Variants in LRRC4C observed in about 807,000 individuals in gnomAD.
The protein encoded by LRRC4C is leucine rich repeat containing 4C.
Under a neutral mutation model 33.6 loss-of-function variants are expected in LRRC4C, and 5 were observed. The ratio of observed to expected loss-of-function variants is 0.15; its 90% CI spans 0.08 to 0.31. The LOEUF (loss-of-function observed/expected upper bound fraction) is 0.31, where lower values mean the gene tolerates loss of function less well. Among genes scored for constraint, LRRC4C ranks in the 10% least tolerant of loss-of-function variants. The pLI, the probability that LRRC4C is intolerant of heterozygous loss-of-function variation, is 1.00. For missense variants in LRRC4C, 560 were observed against 796.7 expected, an observed-to-expected ratio of 0.70 and a Z score of 3.58; for synonymous variants, 329 against 302.0, an observed-to-expected ratio of 1.09 and a Z score of -0.93.
chr11:41,021,837 T>G (rs1856005473), intron 1 of LRRC4C, among the ~76,000 whole-genome samples: 1 of 152,038 alleles, frequency 6.6e-6, no homozygotes, highest in African/African-American at 2.4e-5. Flanking sequence ...CATATCGTCA[T>G]TATGTAGTAA....
At chr11:41,432,367 A>C (rs553489923) in intron 1 of LRRC4C, among the ~76,000 whole-genome samples, 29 of 152,298 alleles carry the variant, frequency 1.9e-4, no homozygotes, top group Non-Finnish European at 2.4e-4. Flanking sequence ...CTTGAGTGTG[A>C]AGCAGTTAGT....
At chr11:40,260,286 C>T (rs200281184) in intron 4 of LRRC4C, among the ~76,000 whole-genome samples, 1 of 139,206 alleles carries the variant, frequency 7.2e-6, no homozygotes, top group East Asian at 2.1e-4. Context: ...TCATCATTCT[C>T]AGTAAATTAT....
intron 1 of LRRC4C, among the ~76,000 whole-genome samples, chr11:41,213,975 C>T (rs2136331514): frequency 6.6e-6 from 1 of 152,268 alleles, no homozygotes; most frequent in South Asian, 2.1e-4. Flanking sequence ...ATTATAATAT[C>T]CTTTAAAGTA....
Position 41,450,516 on chromosome 11 carries a change from G to A in LRRC4C, c.-496+8915C>T, listed in dbSNP as rs534504347. On this transcript the variant is annotated intron_variant, in intron 1 of 6. Transcript: ENST00000528697. ...AGGCACCAGGGCTTTGTAGACAGAC[G>A]CAACTAGGCAGACATTCAGGTAGAC... Among the ~76,000 whole-genome samples the A allele has an allele frequency of 5.9e-5, 9 of 152,262 alleles. No individual in the cohort carries two copies. The East Asian group carries it at 1.4e-3, about 23-fold the overall frequency.
At chr11:40,960,288 T>C (rs1280175269) in intron 1 of LRRC4C, among the ~76,000 whole-genome samples, 1 of 151,838 alleles carries the variant, frequency 6.6e-6, no homozygotes, top group Non-Finnish European at 1.5e-5. Context: ...GGATTTTTGA[T>C]ACATCACCAA....
chr11:40,558,785 A>G (rs1957429072), intron 3 of LRRC4C, among the ~76,000 whole-genome samples: 1 of 152,136 alleles, frequency 6.6e-6, no homozygotes, highest in South Asian at 2.1e-4. Context: ...GGTTTGTTAT[A>G]CAGATTATTT....
intron 2 of LRRC4C, among the ~76,000 whole-genome samples, chr11:40,697,413 C>T (rs1010502468): frequency 6.6e-6 from 1 of 152,072 alleles, no homozygotes; most frequent in African/African-American, 2.4e-5. Flanking sequence ...GCCTTTCACA[C>T]TAAAAGCACT....
chr11:40,200,065 G>T (rs1034700452), intron 5 of LRRC4C, among the ~76,000 whole-genome samples: 2 of 151,542 alleles, frequency 1.3e-5, no homozygotes, highest in African/African-American at 4.9e-5. Context: ...TAATACAACT[G>T]GGCACTGTGG....
intron 2 of LRRC4C, among the ~76,000 whole-genome samples, chr11:40,649,742 G>T (rs1488601379): frequency 1.3e-5 from 2 of 152,176 alleles, no homozygotes; most frequent in Non-Finnish European, 2.9e-5. Context: ...TATGTTCAGA[G>T]ATTGAAGTAA....
At chr11:40,967,075 A>G (rs1233461454) in intron 1 of LRRC4C, among the ~76,000 whole-genome samples, 2 of 152,036 alleles carry the variant, frequency 1.3e-5, no homozygotes, top group Admixed American at 6.6e-5. Context: ...AAAGACATTT[A>G]TCATTCACTT....
intron 1 of LRRC4C, among the ~76,000 whole-genome samples, chr11:41,295,114 G>T (rs749601928): frequency 1.3e-5 from 2 of 152,044 alleles, no homozygotes; most frequent in African/African-American, 2.4e-5. Flanking sequence ...ATTCAAAGAG[G>T]GAAATAAAGC....
At chr11:40,525,338 C>T (rs923440476) in intron 3 of LRRC4C, among the ~76,000 whole-genome samples, 5 of 151,984 alleles carry the variant, frequency 3.3e-5, no homozygotes, top group Middle Eastern at 6.8e-3. Flanking sequence ...CCCAGCTATT[C>T]GGGAGGCTGA....
At chr11:41,408,815 T>C (rs1954347837) in intron 1 of LRRC4C, among the ~76,000 whole-genome samples, 2 of 151,254 alleles carry the variant, frequency 1.3e-5, no homozygotes, top group Non-Finnish European at 2.9e-5. Context: ...AGAGTTATTA[T>C]GGAAGTGAAA....
chr11:41,230,118 C>A (rs1947717917), intron 1 of LRRC4C, among the ~76,000 whole-genome samples: 1 of 152,010 alleles, frequency 6.6e-6, no homozygotes, highest in Non-Finnish European at 1.5e-5. Flanking sequence ...TTGGTATTTT[C>A]AGAGGATTGG....
At chr11:40,495,540 A>T (rs1954387082) in intron 3 of LRRC4C, among the ~76,000 whole-genome samples, 1 of 152,142 alleles carries the variant, frequency 6.6e-6, no homozygotes, top group African/African-American at 2.4e-5. Context: ...ACGTTAAATT[A>T]TTTCCCTAAG....
intron 5 of LRRC4C, among the ~76,000 whole-genome samples, chr11:40,179,073 C>T (rs1374231940): frequency 6.6e-6 from 1 of 151,036 alleles, no homozygotes; most frequent in Non-Finnish European, 1.5e-5. Flanking sequence ...GGGGCAATCT[C>T]GGTTCACTGC....
At position 40,421,544 on chromosome 11, in the gene LRRC4C, C is replaced by A. The variant is rs538394777; in HGVS notation, c.-269-101823G>T. 1.6e-4 allele frequency among the ~76,000 whole-genome samples: 25 copies of A among 152,314 alleles called. No individual in the cohort carries two copies. In the South Asian group the frequency reaches 5.2e-3, roughly 32 times the overall value. On this transcript the variant is annotated intron_variant, in intron 3 of 6. Coordinates refer to ENST00000528697, the MANE Select transcript of LRRC4C (RefSeq NM_001258419.2). Reference sequence around the variant, plus strand: ...ACCCTTGGTATCCATCATTCAAGACCAGCACTTAAACCCTAATTTGGTAAC... The same window carrying A: ...ACCCTTGGTATCCATCATTCAAGACAAGCACTTAAACCCTAATTTGGTAAC...
chr11:40,281,931 A>C (rs1943503334), intron 4 of LRRC4C, among the ~76,000 whole-genome samples: 1 of 152,164 alleles, frequency 6.6e-6, no homozygotes, highest in South Asian at 2.1e-4. Flanking sequence ...TGGATAGCTA[A>C]ATTCTCCTAC....
intron 1 of LRRC4C, among the ~76,000 whole-genome samples, chr11:41,333,322 TTTATA>T (rs1321924238): frequency 6.6e-6 from 1 of 152,220 alleles, no homozygotes; most frequent in Non-Finnish European, 1.5e-5. Flanking sequence ...CATACTCAGT[TTTATA>T]TTATTTTATT....
Sources: allele counts gnomAD v4.1 joint callset (sites outside exome capture counted in the v4.1 genomes callset), GRCh38; gene constraint gnomAD v4.1.1; transcripts MANE v1.5; gene names NCBI Gene and HGNC (gene_info 2026-07-23, HGNC 2026-07-21).